Variants in ACSM2B observed in about 807,000 individuals in gnomAD.
ACSM2B encodes acyl-CoA synthetase medium chain family member 2B.
Under a neutral mutation model 78.6 loss-of-function variants are expected in ACSM2B, and 58 were observed. That is an observed-to-expected ratio of 0.74 (90% CI 0.60 to 0.92). The LOEUF is 0.92. Ranked by LOEUF, ACSM2B falls within the 40% of genes least tolerant of loss-of-function variation. ACSM2B has a pLI of 0.00. For missense variants in ACSM2B, 688 were observed against 711.2 expected (o/e 0.97, Z 0.37); for synonymous variants, 257 against 256.8 (o/e 1.00, Z -0.01).
intron 10 of ACSM2B, chr16:20,544,654 C>T (rs1180736284): frequency 6.1e-5 from 60 of 985,044 alleles, no homozygotes; most frequent in Middle Eastern, 5.2e-4. Context: ...TAATCTCTGG[C>T]TCCACCATCC....
chr16:20,542,731 C>CAGA (rs1339505341), intron 12 of ACSM2B, 183 bp downstream of exon 12: 9 of 711,332 alleles, frequency 1.3e-5, no homozygotes, highest in Admixed American at 2.9e-5. Flanking sequence ...CCTCATCTTA[C>CAGA]AGATGAAGAA....
chr16:20,573,446 G>A (rs952497712), intron 1 of ACSM2B, among the ~76,000 whole-genome samples: 1 of 149,188 alleles, frequency 6.7e-6, no homozygotes, highest in Non-Finnish European at 1.5e-5. Flanking sequence ...CATGGGTTAG[G>A]GAGAGAATGC....
chr16:20,556,202 C>T (rs757353187), intron 3 of ACSM2B, among the ~76,000 whole-genome samples: 4 of 152,174 alleles, frequency 2.6e-5, no homozygotes, highest in Admixed American at 6.5e-5. Flanking sequence ...AAAAATTAGA[C>T]TTATTCCTTG....
At chr16:20,575,796 C>T (rs1043143235) in intron 1 of ACSM2B, 16 of 150,512 alleles carry the variant, frequency 1.1e-4, no homozygotes, top group Admixed American at 5.3e-4. Flanking sequence ...TTTCTGTCTC[C>T]TTTTTTTCTA....
At position 20,546,518 on chromosome 16, in the gene ACSM2B, A is replaced by G; in HGVS notation, c.1099-44T>C. The G allele has an allele frequency of 3.2e-6, 5 of 1,576,886 alleles. No individual in the cohort carries two copies. In the South Asian group the frequency reaches 3.6e-5, roughly 11 times the overall value. ...AGATCAGCAAACCTCAGGAGGAGGT[A>G]CAAGGTCACAGAAAAAGAAAAAATT... On this transcript the variant is annotated intron_variant, in intron 8 of 13. Coordinates refer to ENST00000329697, the MANE Select transcript of ACSM2B (RefSeq NM_001105069.2).
chr16:20,537,416 C>T (rs1350365220), intron 13 of ACSM2B, 54 bp from the exon 14 acceptor site: 1 of 1,598,756 alleles, frequency 6.3e-7, no homozygotes, highest in South Asian at 1.1e-5. Flanking sequence ...CAGTGGGTTG[C>T]ATTTTTCAGA....
intron 1 of ACSM2B, among the ~76,000 whole-genome samples, chr16:20,567,592 T>A (rs1189397639): frequency 2.2e-5 from 3 of 134,170 alleles, no homozygotes; most frequent in Non-Finnish European, 4.7e-5. Context: ...TAAATAATAA[T>A]ATAAGATATA....
At chr16:20,557,678 A>G (rs1017278728) in intron 3 of ACSM2B, among the ~76,000 whole-genome samples, 1 of 152,230 alleles carries the variant, frequency 6.6e-6, no homozygotes, top group African/African-American at 2.4e-5. Context: ...ACCACAAGGC[A>G]CTGCCAATAT....
intron 6 of ACSM2B, among the ~76,000 whole-genome samples, chr16:20,551,313 A>G (rs1278092892): frequency 1.3e-5 from 2 of 152,082 alleles, no homozygotes; most frequent in Admixed American, 1.3e-4. Context: ...CTAAATCCCT[A>G]TATTAAAGCT....
intron 2 of ACSM2B, among the ~76,000 whole-genome samples, chr16:20,563,102 T>C (rs1011553237): frequency 1.3e-5 from 2 of 152,180 alleles, no homozygotes; most frequent in Non-Finnish European, 2.9e-5. Flanking sequence ...TTGAGAAATA[T>C]CTCCCATCCT....
rs1183885669 is a variant in ACSM2B, at chr16:20,552,158, G to A, written c.880C>T (p.Leu294=). ...TCCTCTCTTACCTTTAGAATAACCA[G>A]TGGGTCAAACTTTGGCAAGAGATGA... ...FVHLLPKFDP[L]VILKTLSSYP... The change falls in exon 6 of 14, where the codon CTG becomes TTG. Residue 294 remains leucine (L), a synonymous_variant. Transcript: ENST00000329697. The A allele has an allele frequency of 6.9e-5, 111 of 1,612,296 alleles. No homozygotes were observed. The highest frequency in any genetic ancestry group is 9.2e-5 in the Non-Finnish European group (108 of 1,179,126).
chr16:20,575,999 C>G (rs1464372593), intron 1 of ACSM2B, among the ~76,000 whole-genome samples: 2 of 150,176 alleles, frequency 1.3e-5, no homozygotes, highest in African/African-American at 5.0e-5. Context: ...CAGCTGCCCT[C>G]GTCTCTCCCT....
intron 10 of ACSM2B, chr16:20,544,720 G>T (rs2015086675): frequency 3.0e-6 from 3 of 985,626 alleles, no homozygotes; most frequent in African/African-American, 3.5e-5. Flanking sequence ...ACCTTCCCAA[G>T]ATCTGAAGAT....
intron 1 of ACSM2B, among the ~76,000 whole-genome samples, chr16:20,566,679 A>ATC (rs1190593047): frequency 3.9e-3 from 13 of 3,366 alleles, no homozygotes; most frequent in East Asian, 0.015. Context: ...GTATATACAT[A>ATC]TAGTATATAC....
At chr16:20,554,520 A>G (rs768358481) in intron 4 of ACSM2B, among the ~76,000 whole-genome samples, 3 of 152,216 alleles carry the variant, frequency 2.0e-5, no homozygotes, top group Non-Finnish European at 4.4e-5. Context: ...TTTCCCTTCA[A>G]GTTTCCTATC....
At chr16:20,558,442 C>G (rs2015543078) in intron 3 of ACSM2B, among the ~76,000 whole-genome samples, 1 of 151,220 alleles carries the variant, frequency 6.6e-6, no homozygotes, top group South Asian at 2.1e-4. Flanking sequence ...ACTTGGCTGT[C>G]TATGCAATTA....
In ACSM2B at chr16:20,570,237, T is replaced by A. The variant is rs564751961; in HGVS notation, c.-8-5384A>T. On this transcript the variant is annotated intron_variant, in intron 1 of 13. Coordinates refer to ENST00000329697, the MANE Select transcript of ACSM2B (RefSeq NM_001105069.2). ...TTATTACATTAAGGTATATCCATGG[T>A]ATGCTGATTTTGCTGAGGGTTTTAA... is the stretch of plus-strand genomic sequence containing the variant. Among the ~76,000 whole-genome samples, 10 of 152,028 alleles carry A rather than the reference T, an allele frequency of 6.6e-5. No individual in the cohort carries two copies. In the East Asian group the frequency reaches 9.6e-4, roughly 15 times the overall value.
intron 13 of ACSM2B, among the ~76,000 whole-genome samples, chr16:20,537,626 G>A (rs2014881214): frequency 1.3e-5 from 2 of 152,192 alleles, no homozygotes; most frequent in African/African-American, 4.8e-5. Context: ...TCAGCCAGCT[G>A]AGCCTTGACA....
intron 10 of ACSM2B, 140 bp downstream of exon 10, chr16:20,545,016 AG>A (rs2015093664): frequency 8.3e-7 from 1 of 1,209,278 alleles, no homozygotes; most frequent in Admixed American, 3.1e-5. Flanking sequence ...CCACTGGCAA[AG>A]CATACATTCT....
Sources: gnomAD v4.1 joint callset for allele counts (sites outside exome capture counted in the v4.1 genomes callset) on GRCh38, gnomAD v4.1.1 for gene constraint, MANE v1.5 for transcripts, NCBI Gene and HGNC (gene_info 2026-07-23, HGNC 2026-07-21) for gene names.